The following IL1R2 variants were observed in gnomAD, a reference collection of about 807,000 sequenced individuals.
IL1R2 encodes interleukin 1 receptor type 2.
IL1R2 carries 46 observed loss-of-function variants against 39.5 expected under a neutral mutation model. That is an observed-to-expected ratio of 1.16 (90% CI 0.92 to 1.49). The LOEUF is 1.49. Ranked by LOEUF, IL1R2 falls within the 40% of genes most tolerant of loss-of-function variation. The pLI is 0.00. For missense variants in IL1R2, 537 were observed against 502.0 expected (o/e 1.07, Z -0.67); for synonymous variants, 207 against 189.6 (o/e 1.09, Z -0.75).
intron 4 of IL1R2, among the ~76,000 whole-genome samples, chr2:102,018,573 C>T (rs919905284): frequency 1.3e-5 from 2 of 152,172 alleles, no homozygotes; most frequent in African/African-American, 4.8e-5. Flanking sequence ...TATTTATTCC[C>T]TTCATAATAA....
chr2:102,016,900 G>C (rs937535680), intron 4 of IL1R2, among the ~76,000 whole-genome samples: 1 of 152,020 alleles, frequency 6.6e-6, no homozygotes, highest in Non-Finnish European at 1.5e-5. Context: ...AGGGATGACT[G>C]TATTTTAAAG....
rs1677871593 is a variant in IL1R2 at position 102,028,505 on chromosome 2, C to T, written c.*113C>T. 3 of 901,338 alleles carry T rather than the reference C, an allele frequency of 3.3e-6. No homozygotes were observed. Among genetic ancestry groups the T allele is most frequent in the Non-Finnish European group, 4.8e-6 (3 of 620,124 alleles). The allele number at this position is 901,338 out of a possible 1,614,324, so 55.8% of individuals were successfully genotyped here. A position where few individuals can be genotyped will look rare whatever the true frequency, so the allele number is the denominator to read the frequency against. On this transcript the variant is annotated 3_prime_UTR_variant, in exon 9 of 9. Transcript: ENST00000332549. ...TGCCTCAGTTGTCTACCAAAGGTGC[C>T]ACATTTATAGTGGCTTTGTAGTAAA...
chr2:102,025,815 T>G (rs1213349013), intron 7 of IL1R2, among the ~76,000 whole-genome samples: 2 of 152,216 alleles, frequency 1.3e-5, no homozygotes, highest in African/African-American at 4.8e-5. Context: ...TTTTTGTTGT[T>G]GTTGTTCATT....
chr2:102,021,076 C>T (rs2150455462), intron 5 of IL1R2, among the ~76,000 whole-genome samples: 1 of 152,250 alleles, frequency 6.6e-6, no homozygotes, highest in East Asian at 1.9e-4. Flanking sequence ...TAGGGCAGCG[C>T]GTGACTTGGA....
chr2:102,020,488 G>GT (rs1559426808), intron 5 of IL1R2, among the ~76,000 whole-genome samples: 1 of 152,180 alleles, frequency 6.6e-6, no homozygotes, highest in Non-Finnish European at 1.5e-5. Context: ...ACACTTCTTT[G>GT]TTTTTTATAC....
chr2:101,995,799 T>C (rs1456683028), intron 1 of IL1R2, among the ~76,000 whole-genome samples: 1 of 152,222 alleles, frequency 6.6e-6, no homozygotes, highest in Non-Finnish European at 1.5e-5. Flanking sequence ...ACCCAGGTCA[T>C]TGTCAAAACA....
At chr2:101,999,381 A>G (rs1675737377) in intron 1 of IL1R2, among the ~76,000 whole-genome samples, 1 of 152,252 alleles carries the variant, frequency 6.6e-6, no homozygotes, top group Non-Finnish European at 1.5e-5. Flanking sequence ...AACTTTATCC[A>G]GCAGGTAGCC....
chr2:102,019,766 A>C lies in IL1R2; in HGVS notation c.642A>C (p.Glu214Asp). The C allele has an allele frequency of 8.7e-6, 14 of 1,614,212 alleles. No individual in the cohort carries two copies. The highest frequency in any genetic ancestry group is 1.2e-5 in the Non-Finnish European group (14 of 1,180,028). ...YYRCVLTFAH[E>D]GQQYNITRSI... ...GCTGTGTCCTGACATTTGCCCATGA[A>C]GGCCAGCAATACAACATCACTAGGA... The change falls in exon 5 of 9, where the codon GAA (glutamate) becomes GAC (aspartate). Residue 214 changes from glutamate (E) to aspartate (D), a missense_variant. Physicochemically the swap from Glu to Asp is conservative, Grantham distance 45 (BLOSUM62 2). Coordinates refer to ENST00000332549, the MANE Select transcript of IL1R2 (RefSeq NM_004633.4).
At chr2:102,002,463 CTGTCTG>C (rs72407418) in intron 1 of IL1R2, among the ~76,000 whole-genome samples, 25,515 of 142,984 alleles carry the variant, frequency 0.18, 2,571 homozygotes, top group East Asian at 0.32. Flanking sequence ...GTCTATGTCT[CTGTCTG>C]TGTCTGTGTC....
chr2:101,999,785 C>T (rs1440984807), intron 1 of IL1R2, among the ~76,000 whole-genome samples: 1 of 152,198 alleles, frequency 6.6e-6, no homozygotes, highest in African/African-American at 2.4e-5. Context: ...AGATAAAAAC[C>T]TTAGAATTCC....
In IL1R2 at chr2:102,005,478, A is replaced by G. The variant is rs76817015; in HGVS notation, c.-61-3037A>G. On this transcript the variant is annotated intron_variant, in intron 1 of 8. Transcript: ENST00000332549. The stretch of plus-strand genomic sequence containing the variant: ...TGTGCGTGACAGAAAGCCTGGACAC[A>G]TAAAAAAGGTAGTCCAGGGTGGTGG... Among the ~76,000 whole-genome samples, 568 of 152,352 alleles carry G rather than the reference A, an allele frequency of 3.7e-3. 5 individuals are homozygous for G. Among genetic ancestry groups the G allele is most frequent in the South Asian group, 0.015 (73 of 4,826 alleles).
chr2:101,992,874 T>C (rs1458065623), intron 1 of IL1R2, among the ~76,000 whole-genome samples: 1 of 152,172 alleles, frequency 6.6e-6, no homozygotes, highest in East Asian at 1.9e-4. Context: ...CGGGTGACCT[T>C]CCTTGCCCAT....
At chr2:102,025,786 C>T (rs112333058) in intron 7 of IL1R2, among the ~76,000 whole-genome samples, 2 of 152,194 alleles carry the variant, frequency 1.3e-5, no homozygotes, top group African/African-American at 4.8e-5. Context: ...CTAGACGTTT[C>T]TGTTCCCATG....
rs1354426500 is a variant in IL1R2, at chr2:102,019,743, T to C, written c.619T>C (p.Cys207Arg). Residue 207 changes from cysteine (C) to arginine (R), a missense_variant, in exon 5 of 9, where the codon TGT (cysteine) becomes CGT (arginine). Transcript: ENST00000332549. The stretch of plus-strand genomic sequence containing the variant: ...CCTGGAAGATGCTGGCTATTACCGC[T>C]GTGTCCTGACATTTGCCCATGAAGG... ...VALEDAGYYR[C>R]VLTFAHEGQQ... The C allele has an allele frequency of 6.2e-7, 1 of 1,614,228 alleles. No individual in the cohort carries two copies. The highest frequency in any genetic ancestry group is 1.7e-5 in the Admixed American group (1 of 60,034).
intron 1 of IL1R2, among the ~76,000 whole-genome samples, chr2:102,000,982 T>C (rs1675828546): frequency 6.6e-6 from 1 of 152,182 alleles, no homozygotes; most frequent in African/African-American, 2.4e-5. Context: ...CAGGTAGAGC[T>C]TCCTCATCAG....
chr2:102,019,393 T>G (rs1391820397), intron 4 of IL1R2, among the ~76,000 whole-genome samples: 3 of 152,178 alleles, frequency 2.0e-5, no homozygotes, highest in African/African-American at 7.2e-5. Flanking sequence ...TTTTTTCCCC[T>G]TGGACAAATA....
chr2:101,998,600 C>A (rs1675699837), intron 1 of IL1R2, among the ~76,000 whole-genome samples: 1 of 152,210 alleles, frequency 6.6e-6, no homozygotes, highest in Non-Finnish European at 1.5e-5. Context: ...TGAGTTCAAA[C>A]AGTGGTGCTC....
chr2:102,009,420 T>G, intron 2 of IL1R2, 142 bp from the exon 3 acceptor site: 1 of 933,262 alleles, frequency 1.1e-6, no homozygotes, highest in Non-Finnish European at 1.6e-6. Flanking sequence ...TGTAGGTCTT[T>G]TTGTTAGGGA....
At chr2:102,003,054 C>G (rs1412900219) in intron 1 of IL1R2, among the ~76,000 whole-genome samples, 3 of 114,408 alleles carry the variant, frequency 2.6e-5, no homozygotes, top group Non-Finnish European at 6.3e-5. Flanking sequence ...ATGTCTATAT[C>G]TGTGTCTGTG....
Sources: allele counts gnomAD v4.1 joint callset (sites outside exome capture counted in the v4.1 genomes callset), GRCh38; gene constraint gnomAD v4.1.1; transcripts MANE v1.5; gene names NCBI Gene and HGNC (gene_info 2026-07-23, HGNC 2026-07-21).